Variants in NRG1 observed in about 807,000 individuals in gnomAD.
The protein encoded by NRG1 is neuregulin 1.
NRG1 carries 18 observed loss-of-function variants against 63.8 expected under a neutral mutation model. The observed-to-expected ratio is 0.28, with a 90% CI of 0.19 to 0.42. The LOEUF is 0.42. Among genes scored for constraint, NRG1 ranks in the 10% least tolerant of loss-of-function variants. The probability of loss-of-function intolerance (pLI) is 1.00; values close to 1 mark genes in which losing one functional copy is unlikely to be tolerated. For missense variants in NRG1, 762 were observed against 814.7 expected, an observed-to-expected ratio of 0.94 and a Z score of 0.79; for synonymous variants, 302 against 301.3, an observed-to-expected ratio of 1.00 and a Z score of -0.02.
At chr8:31,719,213 T>A (rs1427414886) in intron 1 of NRG1, among the ~76,000 whole-genome samples, 1 of 152,206 alleles carries the variant, frequency 6.6e-6, no homozygotes, top group Non-Finnish European at 1.5e-5. Context: ...TAAGATAGTT[T>A]CAGGCATACC....
intron 1 of NRG1, among the ~76,000 whole-genome samples, chr8:32,072,083 C>A (rs1433119411): frequency 6.6e-6 from 1 of 151,980 alleles, no homozygotes; most frequent in Non-Finnish European, 1.5e-5. Context: ...CATAATTCAT[C>A]CTGGCAATTA....
intron 1 of NRG1, among the ~76,000 whole-genome samples, chr8:31,743,739 G>T (rs1815554751): frequency 6.6e-6 from 1 of 151,944 alleles, no homozygotes; most frequent in African/African-American, 2.4e-5. Context: ...AGCTCCAGCA[G>T]ATCCTTTCTG....
At chr8:32,765,615 T>C (rs1831366405) in exon 12 of NRG1, 1 of 152,198 alleles carries the variant, frequency 6.6e-6, no homozygotes, top group African/African-American at 2.4e-5. Context: ...GTCATAACTA[T>C]GCATGAACAT....
intron 1 of NRG1, among the ~76,000 whole-genome samples, chr8:32,551,556 A>G (rs752698069): frequency 6.6e-6 from 1 of 152,192 alleles, no homozygotes; most frequent in Non-Finnish European, 1.5e-5. Flanking sequence ...TAACTTTCAT[A>G]TGGCATGAGT....
At chr8:31,893,840 C>T (rs902060907) in intron 1 of NRG1, among the ~76,000 whole-genome samples, 2 of 151,930 alleles carry the variant, frequency 1.3e-5, no homozygotes, top group Non-Finnish European at 2.9e-5. Flanking sequence ...CATTGATTAA[C>T]TTTATTCACA....
chr8:32,291,533 CTTTTTTTTT>C (rs757839225), intron 1 of NRG1, among the ~76,000 whole-genome samples: 1 of 98,038 alleles, frequency 1.0e-5, no homozygotes, highest in Non-Finnish European at 1.9e-5. Flanking sequence ...TTTTTATCCA[CTTTTTTTTT>C]TTTTTTTTTT....
chr8:32,152,759 C>T (rs1288794483), intron 1 of NRG1, among the ~76,000 whole-genome samples: 1 of 152,136 alleles, frequency 6.6e-6, no homozygotes, highest in Admixed American at 6.6e-5. Context: ...ATCTACTAGG[C>T]AAATTTGCTC....
intron 1 of NRG1, among the ~76,000 whole-genome samples, chr8:32,202,879 GT>G (rs1260741854): frequency 1.3e-5 from 2 of 151,344 alleles, no homozygotes; most frequent in East Asian, 3.9e-4. Flanking sequence ...GTTGCAGTGG[GT>G]CAAAAGGCAA....
chr8:31,817,018 A>G (rs534893122), intron 1 of NRG1, among the ~76,000 whole-genome samples: 8 of 152,348 alleles, frequency 5.3e-5, no homozygotes, highest in African/African-American at 1.9e-4. Flanking sequence ...GTCCCTCATT[A>G]TAAAAAAAAA....
At chr8:32,215,724 C>T (rs1378630681) in intron 1 of NRG1, among the ~76,000 whole-genome samples, 1 of 152,118 alleles carries the variant, frequency 6.6e-6, no homozygotes, top group African/African-American at 2.4e-5. Flanking sequence ...GTTTAAATAA[C>T]CATTTCCTGG....
chr8:32,414,735 T>G (rs1019203535), intron 1 of NRG1, among the ~76,000 whole-genome samples: 2 of 152,176 alleles, frequency 1.3e-5, no homozygotes, highest in Non-Finnish European at 2.9e-5. Flanking sequence ...AAGCCATGTT[T>G]TAGAATCTTA....
chr8:32,358,508 G>C (rs1806777667), intron 1 of NRG1, among the ~76,000 whole-genome samples: 1 of 151,912 alleles, frequency 6.6e-6, no homozygotes, highest in African/African-American at 2.4e-5. Context: ...GTATAGGAAA[G>C]TATTTAAGGA....
At chr8:32,484,558 C>T (rs1825694192) in intron 1 of NRG1, among the ~76,000 whole-genome samples, 1 of 151,550 alleles carries the variant, frequency 6.6e-6, no homozygotes. Context: ...GTCCAGCAGG[C>T]ATAGAATCTA....
chr8:32,088,964 G>T lies in NRG1; in HGVS notation c.37+449533G>T, dbSNP rs567918382. On this transcript the variant is annotated intron_variant, in intron 1 of 10. Coordinates refer to the NRG1 transcript ENST00000519301. ...GCTTCACATTTCTTGTTACTAAGCTGCACTGCCTCCCACACATGGCCTATT... is the reference window on the plus strand; with the variant it reads ...GCTTCACATTTCTTGTTACTAAGCTTCACTGCCTCCCACACATGGCCTATT... 1.8e-4 allele frequency among the ~76,000 whole-genome samples: 27 copies of T among 152,276 alleles called. No homozygotes were observed. The South Asian group carries it at 5.4e-3, about 30-fold the overall frequency.
intron 1 of NRG1, among the ~76,000 whole-genome samples, chr8:32,362,134 A>G (rs897945057): frequency 5.9e-5 from 9 of 152,176 alleles, no homozygotes; most frequent in Non-Finnish European, 1.2e-4. Context: ...GACCTACAAA[A>G]CCATCAATAG....
intron 1 of NRG1, among the ~76,000 whole-genome samples, chr8:31,808,264 T>A (rs1269824220): frequency 6.6e-6 from 1 of 152,022 alleles, no homozygotes; most frequent in Non-Finnish European, 1.5e-5. Context: ...TGTAAGCTGA[T>A]GTATGGAAAA....
At chr8:32,118,553 A>C (rs1355878165) in intron 1 of NRG1, among the ~76,000 whole-genome samples, 1 of 152,140 alleles carries the variant, frequency 6.6e-6, no homozygotes, top group Non-Finnish European at 1.5e-5. Context: ...GTATTCTTTT[A>C]TAGCAATACA....
At chr8:32,185,063 C>T (rs1381874185) in intron 1 of NRG1, among the ~76,000 whole-genome samples, 2 of 152,080 alleles carry the variant, frequency 1.3e-5, no homozygotes, top group East Asian at 1.9e-4. Flanking sequence ...GTCATTTTTC[C>T]TAAGCCTGTT....
intron 1 of NRG1, among the ~76,000 whole-genome samples, chr8:32,284,193 G>A (rs1300065749): frequency 6.6e-6 from 1 of 152,134 alleles, no homozygotes; most frequent in East Asian, 1.9e-4. Context: ...TCAGTTTAGA[G>A]AGAATACCCC....
Sources: allele counts gnomAD v4.1 joint callset (sites outside exome capture counted in the v4.1 genomes callset), GRCh38; gene constraint gnomAD v4.1.1; transcripts MANE v1.5; gene names NCBI Gene and HGNC (gene_info 2026-07-23, HGNC 2026-07-21).